The following MAST4 variants were observed in gnomAD, a reference collection of about 807,000 sequenced individuals.
MAST4 encodes the protein microtubule associated serine/threonine kinase family member 4, also known as microtubule-associated serine/threonine-protein kinase 4.
Under a neutral mutation model 162.7 loss-of-function variants are expected in MAST4, and 89 were observed. The observed-to-expected ratio is 0.55, with a 90% CI of 0.46 to 0.65. The LOEUF is 0.65. Ranked by LOEUF, MAST4 falls within the 30% of genes least tolerant of loss-of-function variation. The pLI is 0.00. For missense variants in MAST4, 3,153 were observed against 3,374.0 expected, an observed-to-expected ratio of 0.93 and a Z score of 1.62; for synonymous variants, 1,479 against 1,361.1, an observed-to-expected ratio of 1.09 and a Z score of -1.91.
At chr5:67,028,946 T>C (rs866048329) in intron 4 of MAST4, among the ~76,000 whole-genome samples, 1 of 152,064 alleles carries the variant, frequency 6.6e-6, no homozygotes, top group Middle Eastern at 3.4e-3. Context: ...CTGGGCAACA[T>C]GGCAAAACCC....
intron 3 of MAST4, among the ~76,000 whole-genome samples, chr5:66,831,851 G>A (rs867996632): frequency 6.6e-6 from 1 of 152,154 alleles, no homozygotes. Flanking sequence ...GGCTTGGGCC[G>A]ACCTTGTACT....
At chr5:67,089,742 G>A (rs1284269710) in intron 5 of MAST4, among the ~76,000 whole-genome samples, 14 of 152,122 alleles carry the variant, frequency 9.2e-5, no homozygotes, top group Non-Finnish European at 1.2e-4. Context: ...AAGTACTAAG[G>A]CTGCCTGCTA....
chr5:66,776,422 T>G (rs1456915049), intron 2 of MAST4, among the ~76,000 whole-genome samples: 1 of 152,218 alleles, frequency 6.6e-6, no homozygotes. Flanking sequence ...TTGAGGTTAA[T>G]TAGCTTACCT....
chr5:67,047,098 G>A (rs754732906), intron 4 of MAST4, among the ~76,000 whole-genome samples: 6 of 152,208 alleles, frequency 3.9e-5, no homozygotes, highest in South Asian at 2.1e-4. Context: ...AGCTGTTTTT[G>A]TATAAACTAA....
chr5:66,751,801 A>C (rs1419073381), intron 1 of MAST4, among the ~76,000 whole-genome samples: 1 of 149,410 alleles, frequency 6.7e-6, no homozygotes, highest in East Asian at 1.9e-4. Flanking sequence ...GAACGCCACA[A>C]AGATACTCCT....
Position 66,683,018 on chromosome 5 carries a change from A to G in MAST4, c.364-76691A>G, listed in dbSNP as rs376189026. ...GGCGAAGGGGTGGTGGGGCCTTTGA[A>G]GGAAAGGAAGACTCACTGGAGCAGT... is the stretch of plus-strand genomic sequence containing the variant. On this transcript the variant is annotated intron_variant, in intron 1 of 28. Coordinates refer to ENST00000403625, the MANE Select transcript of MAST4 (RefSeq NM_001164664.2). Among the ~76,000 whole-genome samples the G allele has an allele frequency of 1.8e-3, 268 of 152,298 alleles. 1 individual carries two copies. Among genetic ancestry groups the G allele is most frequent in the African/African-American group, 6.1e-3 (252 of 41,558 alleles).
chr5:67,078,883 TATTTATATATTTATATATTTTTATATAA>T (rs1288516208), intron 5 of MAST4, among the ~76,000 whole-genome samples: 13 of 97,390 alleles, frequency 1.3e-4, no homozygotes, highest in African/African-American at 4.8e-4. Flanking sequence ...TATATAAATA[TATTTATATATTTATATATTTTTATATAA>T]ATATATATAT....
At chr5:66,833,160 C>T (rs1482359123) in intron 3 of MAST4, among the ~76,000 whole-genome samples, 1 of 152,162 alleles carries the variant, frequency 6.6e-6, no homozygotes, top group Non-Finnish European at 1.5e-5. Context: ...TCCTCTTTTG[C>T]ACCTTTTGGC....
At chr5:66,977,812 G>A (rs1748336103) in intron 4 of MAST4, among the ~76,000 whole-genome samples, 1 of 152,206 alleles carries the variant, frequency 6.6e-6, no homozygotes, top group South Asian at 2.1e-4. Flanking sequence ...ATAAAATGTA[G>A]TTTATTGTTT....
chr5:67,161,671 C>T (rs867012992), intron 27 of MAST4, among the ~76,000 whole-genome samples: 12 of 152,188 alleles, frequency 7.9e-5, no homozygotes, highest in Middle Eastern at 3.4e-3. Flanking sequence ...GAGAAAAATT[C>T]GAGTAGAGGA....
rs745600332 is a variant in MAST4, at chr5:67,160,600, A to G, written c.3785+8A>G. ...GAAAGAAAGTCTCGAAAGGTTAGTAAAATCAGTATTCTTTTTAAGTTTGGT... is the reference window on the plus strand; with the variant it reads ...GAAAGAAAGTCTCGAAAGGTTAGTAGAATCAGTATTCTTTTTAAGTTTGGT... On this transcript the variant is annotated splice_region_variant and intron_variant, in intron 27 of 28. Coordinates refer to ENST00000403625, the MANE Select transcript of MAST4 (RefSeq NM_001164664.2). The G allele has an allele frequency of 1.2e-6, 2 of 1,612,452 alleles. No individual in the cohort carries two copies. Among genetic ancestry groups the G allele is most frequent in the Admixed American group, 3.4e-5 (2 of 59,660 alleles).
Position 66,788,678 on chromosome 5 carries a change from C to G in MAST4, c.526C>G (p.Leu176Val). 1 of 1,600,438 alleles carries G rather than the reference C, an allele frequency of 6.2e-7. No homozygotes were observed. The highest frequency in any genetic ancestry group is 8.5e-7 in the Non-Finnish European group (1 of 1,171,822). ...SLGGALTGRY[L>V]LPNPVAGQAW... The stretch of plus-strand genomic sequence containing the variant: ...CTCTTTAACTCCAACAGGGAGGTAC[C>G]TTCTTCCAAACCCGGTGGCGGGACA... Residue 176 changes from leucine (L) to valine (V), a missense_variant, in exon 3 of 29, where the codon CTT (leucine) becomes GTT (valine). Leu to Val is a conservative substitution (Grantham distance 32, BLOSUM62 1). Transcript: ENST00000403625.
At chr5:66,617,472 G>GT (rs201807116) in intron 1 of MAST4, among the ~76,000 whole-genome samples, 304 of 141,576 alleles carry the variant, frequency 2.1e-3, no homozygotes, top group Admixed American at 4.2e-3. Context: ...GCAGAGAAGG[G>GT]TTATTTTTTT....
At chr5:66,757,299 T>C (rs898053415) in intron 1 of MAST4, among the ~76,000 whole-genome samples, 3 of 152,226 alleles carry the variant, frequency 2.0e-5, no homozygotes, top group African/African-American at 7.2e-5. Context: ...AATAAGTAAG[T>C]AGAATGGACC....
chr5:67,087,294 A>G (rs1031101007), intron 5 of MAST4, among the ~76,000 whole-genome samples: 2 of 152,126 alleles, frequency 1.3e-5, no homozygotes, highest in African/African-American at 4.8e-5. Context: ...TGGTTTGCCC[A>G]CCAGAATATC....
At chr5:66,954,777 T>G (rs1745099724) in intron 4 of MAST4, among the ~76,000 whole-genome samples, 1 of 152,004 alleles carries the variant, frequency 6.6e-6, no homozygotes, top group South Asian at 2.1e-4. Flanking sequence ...GACATGTGCC[T>G]GTAGTTCCAG....
intron 22 of MAST4, 85 bp downstream of exon 22, chr5:67,144,881 G>A: frequency 1.4e-6 from 2 of 1,471,670 alleles, no homozygotes; most frequent in South Asian, 2.6e-5. Flanking sequence ...GAATACCTGG[G>A]GGGCTTGTTA....
At chr5:67,160,201 G>GT (rs988242926) in intron 26 of MAST4, among the ~76,000 whole-genome samples, 3 of 152,168 alleles carry the variant, frequency 2.0e-5, no homozygotes, top group Non-Finnish European at 4.4e-5. Flanking sequence ...TAGCAGCCTG[G>GT]TAAGGGCACA....
chr5:66,718,814 A>G (rs1751020292), intron 1 of MAST4, among the ~76,000 whole-genome samples: 1 of 152,012 alleles, frequency 6.6e-6, no homozygotes, highest in South Asian at 2.1e-4. Context: ...CTCTCGAGCT[A>G]TTCCATTTCT....
Sources: gnomAD v4.1 joint callset for allele counts (sites outside exome capture counted in the v4.1 genomes callset) on GRCh38, gnomAD v4.1.1 for gene constraint, MANE v1.5 for transcripts, NCBI Gene and HGNC (gene_info 2026-07-23, HGNC 2026-07-21) for gene names.